RYK: variants seen among roughly 807,000 people sequenced by gnomAD.
The protein encoded by RYK is inactive tyrosine-protein kinase RYK.
A neutral mutation model predicts 70.2 loss-of-function variants in RYK; 21 were observed. The ratio of observed to expected loss-of-function variants is 0.30; its 90% CI spans 0.21 to 0.43. The LOEUF (loss-of-function observed/expected upper bound fraction) is 0.43. RYK is among the 20% of genes least tolerant of loss of function. RYK has a pLI of 1.00. For missense variants in RYK, 604 were observed against 753.3 expected (o/e 0.80, Z 2.32); for synonymous variants, 267 against 278.0 (o/e 0.96, Z 0.39).
At chr3:134,170,248 C>T (rs2012854353) in intron 13 of RYK, among the ~76,000 whole-genome samples, 1 of 152,080 alleles carries the variant, frequency 6.6e-6, no homozygotes, top group Non-Finnish European at 1.5e-5. Flanking sequence ...AGGAGTTAAC[C>T]ACGTTAAATG....
intron 1 of RYK, 135 bp from the exon 2 acceptor site, chr3:134,222,674 C>T: frequency 1.4e-6 from 1 of 714,082 alleles, no homozygotes; most frequent in South Asian, 2.0e-5. Flanking sequence ...CTAACATGGG[C>T]TGCCTTATGA....
intron 14 of RYK, 109 bp from the exon 15 acceptor site, chr3:134,158,373 G>T: frequency 2.2e-6 from 1 of 463,278 alleles, no homozygotes; most frequent in Non-Finnish European, 3.7e-6. Context: ...GTATGGAGAG[G>T]ATGATATATT....
intron 13 of RYK, among the ~76,000 whole-genome samples, chr3:134,173,906 G>T (rs2013008470): frequency 6.6e-6 from 1 of 152,014 alleles, no homozygotes; most frequent in Admixed American, 6.6e-5. Flanking sequence ...TTCAATTATT[G>T]ACTGCAGTGA....
At chr3:134,210,036 G>A (rs532624669) in intron 3 of RYK, among the ~76,000 whole-genome samples, 1 of 152,088 alleles carries the variant, frequency 6.6e-6, no homozygotes, top group Non-Finnish European at 1.5e-5. Flanking sequence ...ATTCATTATG[G>A]ATATAAAAGT....
chr3:134,246,336 AC>A (rs2015465662), intron 1 of RYK, among the ~76,000 whole-genome samples: 2 of 147,266 alleles, frequency 1.4e-5, no homozygotes, highest in Admixed American at 1.4e-4. Flanking sequence ...ACACACACAC[AC>A]ACACACAGAG....
chr3:134,189,540 C>A (rs1023704705), intron 8 of RYK, among the ~76,000 whole-genome samples: 3 of 151,958 alleles, frequency 2.0e-5, no homozygotes, highest in Non-Finnish European at 4.4e-5. Flanking sequence ...GCAGGCGGGT[C>A]ATGAGGTCAG....
At chr3:134,175,474 A>G (rs1234799935) in intron 13 of RYK, 135 bp downstream of exon 13, 2 of 991,958 alleles carry the variant, frequency 2.0e-6, no homozygotes, top group African/African-American at 3.3e-5. Context: ...AGCTAATTAC[A>G]CTTGCTTTCT....
intron 1 of RYK, among the ~76,000 whole-genome samples, chr3:134,222,915 G>GA (rs1225900744): frequency 1.3e-5 from 2 of 152,124 alleles, no homozygotes; most frequent in Non-Finnish European, 1.5e-5. Context: ...GTAGACTTAG[G>GA]AAGGGAGATT....
chr3:134,166,126 T>C (rs767363438), intron 13 of RYK, among the ~76,000 whole-genome samples: 3 of 152,238 alleles, frequency 2.0e-5, no homozygotes, highest in Non-Finnish European at 4.4e-5. Context: ...ACCATTTATA[T>C]GCTGAAACCT....
intron 1 of RYK, among the ~76,000 whole-genome samples, chr3:134,234,117 GA>G (rs747792417): frequency 2.6e-4 from 40 of 151,876 alleles, no homozygotes; most frequent in Non-Finnish European, 4.9e-4. Context: ...AGTTAAGCTG[GA>G]AAAACAATAA....
chr3:134,176,803 C>A (rs1487619999), intron 11 of RYK, among the ~76,000 whole-genome samples: 1 of 152,092 alleles, frequency 6.6e-6, no homozygotes, highest in African/African-American at 2.4e-5. Context: ...GTAATCCCAG[C>A]ACTTTGGGAG....
At chr3:134,226,415 A>G (rs1373590646) in intron 1 of RYK, among the ~76,000 whole-genome samples, 1 of 152,192 alleles carries the variant, frequency 6.6e-6, no homozygotes, top group Non-Finnish European at 1.5e-5. Context: ...TCTATCAAAC[A>G]TTTAGGGAAG....
At chr3:134,197,725 A>C (rs1394841132) in intron 6 of RYK, among the ~76,000 whole-genome samples, 2 of 152,162 alleles carry the variant, frequency 1.3e-5, no homozygotes, top group Non-Finnish European at 2.9e-5. Flanking sequence ...GGATTAAGAT[A>C]ATCTACCTCA....
intron 13 of RYK, among the ~76,000 whole-genome samples, chr3:134,173,314 A>C (rs981892216): frequency 6.6e-6 from 1 of 152,100 alleles, no homozygotes; most frequent in Non-Finnish European, 1.5e-5. Flanking sequence ...ATATAAGTAA[A>C]TTGCTCATTC....
At chr3:134,183,196 G>T (rs2013355936) in intron 9 of RYK, 125 bp from the exon 10 acceptor site, 1 of 470,220 alleles carries the variant, frequency 2.1e-6, no homozygotes, top group African/African-American at 2.0e-5. Flanking sequence ...TAAGTTACAG[G>T]TAAATCTAAA....
chr3:134,222,309 A>G (rs1487105969), intron 2 of RYK, 109 bp downstream of exon 2: 1 of 1,114,098 alleles, frequency 9.0e-7, no homozygotes, highest in African/African-American at 1.6e-5. Context: ...ATTATATCAC[A>G]TCACCAGCGG....
chr3:134,168,773 A>C (rs1040322556), intron 13 of RYK, among the ~76,000 whole-genome samples: 1 of 152,102 alleles, frequency 6.6e-6, no homozygotes, highest in African/African-American at 2.4e-5. Flanking sequence ...GTATAATAAA[A>C]AATAAAATAA....
At chr3:134,172,072 A>T (rs2012931860) in intron 13 of RYK, among the ~76,000 whole-genome samples, 1 of 152,170 alleles carries the variant, frequency 6.6e-6, no homozygotes, top group South Asian at 2.1e-4. Flanking sequence ...CCATCGAACT[A>T]GTTTTGGTTC....
chr3:134,166,620 T>C (rs926804930), intron 13 of RYK, among the ~76,000 whole-genome samples: 2 of 152,236 alleles, frequency 1.3e-5, no homozygotes, highest in African/African-American at 4.8e-5. Flanking sequence ...ATGGCACTTT[T>C]TGCCACTGTA....
Sources: gnomAD v4.1 joint callset for allele counts (sites outside exome capture counted in the v4.1 genomes callset) on GRCh38, gnomAD v4.1.1 for gene constraint, MANE v1.5 for transcripts, NCBI Gene and HGNC (gene_info 2026-07-23, HGNC 2026-07-21) for gene names.